MEF2A: variants seen among roughly 807,000 people sequenced by gnomAD.
MEF2A encodes the protein myocyte enhancer factor 2A.
A neutral mutation model predicts 55.8 loss-of-function variants in MEF2A; 28 were observed. The observed-to-expected ratio is 0.50, with a 90% CI of 0.37 to 0.69. The LOEUF (loss-of-function observed/expected upper bound fraction) is 0.69, where lower values mean the gene tolerates loss of function less well. MEF2A is among the 30% of genes least tolerant of loss of function. The pLI is 0.00. For synonymous variants in MEF2A, 239 were observed against 227.1 expected, an observed-to-expected ratio of 1.05 and a Z score of -0.47; for missense variants, 528 against 626.2, an observed-to-expected ratio of 0.84 and a Z score of 1.67.
At chr15:99,706,633 T>C (rs1338485672) in intron 9 of MEF2A, 96 bp from the exon 10 acceptor site, 8 of 1,378,264 alleles carry the variant, frequency 5.8e-6, no homozygotes, top group African/African-American at 1.4e-5. Context: ...ATGACATTCA[T>C]ATGAAACTGT....
intron 2 of MEF2A, among the ~76,000 whole-genome samples, chr15:99,626,035 G>A (rs2153349041): frequency 6.6e-6 from 1 of 152,224 alleles, no homozygotes; most frequent in East Asian, 1.9e-4. Context: ...ATTGGTGTTA[G>A]TTCTTTAATT....
intron 7 of MEF2A, among the ~76,000 whole-genome samples, chr15:99,686,289 C>T (rs1359933711): frequency 1.3e-5 from 2 of 151,382 alleles, no homozygotes; most frequent in African/African-American, 2.4e-5. Flanking sequence ...TGCCTGAATA[C>T]TTTTTTTTTC....
chr15:99,583,583 T>G, intron 1 of MEF2A, among the ~76,000 whole-genome samples: 1 of 152,070 alleles, frequency 6.6e-6, no homozygotes. Context: ...TGAGAAGGAA[T>G]ACTGGGAATA....
chr15:99,582,886 G>GATAGAACATATCC (rs1397087622), intron 1 of MEF2A, among the ~76,000 whole-genome samples: 16 of 152,104 alleles, frequency 1.1e-4, no homozygotes, highest in Non-Finnish European at 2.2e-4. Context: ...ATATGTTGTA[G>GATAGAACATATCC]ATAGAACAGT....
rs2033545 is a variant in MEF2A, at chr15:99,671,759, G to A, written c.390+305G>A. On this transcript the variant is annotated intron_variant, in intron 5 of 11. Transcript: ENST00000557942. ...TAGTGGGTGATGACAACAATAAGTA[G>A]AAGGGAAGAAATGCATTTTATTAGT... The A allele has an allele frequency of 8.1e-3, 9,885 of 1,225,500 alleles. 295 individuals carry two copies. The highest frequency in any genetic ancestry group is 0.08 in the Admixed American group (2,554 of 32,014). The allele number at this position is 1,225,500 out of a possible 1,614,324, so 75.9% of individuals were successfully genotyped here. A position where few individuals can be genotyped will look rare whatever the true frequency, so the allele number is the denominator to read the frequency against.
intron 4 of MEF2A, among the ~76,000 whole-genome samples, chr15:99,667,223 T>C (rs2049958952): frequency 6.6e-6 from 1 of 151,976 alleles, no homozygotes; most frequent in Non-Finnish European, 1.5e-5. Flanking sequence ...GGTTTTTATT[T>C]ATTTATTTAT....
Position 99,712,668 on chromosome 15 carries a change from G to T in MEF2A, c.1415G>T (p.Arg472Leu). Residue 472 changes from arginine (R) to leucine (L), a missense_variant, in exon 12 of 12, where the codon CGG becomes CTG. Arg to Leu is a moderately radical substitution (Grantham distance 102). This residue lies in a region of MEF2A where 450 missense variants were observed against 475.3 expected (regional missense o/e 0.95). Coordinates refer to ENST00000557942, the MANE Select transcript of MEF2A (RefSeq NM_001319206.4). The surrounding 1 kb of genome is among the most constrained non-coding windows in gnomAD (Gnocchi z 4.1). ...GATGGCAGTGATCGGGAGGATCCAC[G>T]GGGCGACTTCCATTCTCCAATTGTG... ...SYDGSDREDP[R>L]GDFHSPIVLG... 6.4e-7 allele frequency: 1 copy of T among 1,557,444 alleles called. No individual in the cohort carries two copies. Among genetic ancestry groups the T allele is most frequent in the Non-Finnish European group, 8.7e-7 (1 of 1,150,424 alleles).
intron 2 of MEF2A, among the ~76,000 whole-genome samples, chr15:99,624,802 A>G (rs1009858368): frequency 6.6e-6 from 1 of 152,158 alleles, no homozygotes; most frequent in Non-Finnish European, 1.5e-5. Flanking sequence ...TATTAATATA[A>G]AACATCTTTC....
At chr15:99,702,290 A>G (rs1035663023) in intron 8 of MEF2A, among the ~76,000 whole-genome samples, 1 of 152,216 alleles carries the variant, frequency 6.6e-6, no homozygotes, top group African/African-American at 2.4e-5. Context: ...TTCATGTATC[A>G]GTGGCACTTA....
chr15:99,572,879 A>G (rs946384535), intron 1 of MEF2A, among the ~76,000 whole-genome samples: 5 of 152,252 alleles, frequency 3.3e-5, no homozygotes, highest in East Asian at 1.9e-4. Context: ...ACTGTCTTCT[A>G]TTAGGCTGAA....
At chr15:99,630,154 G>T (rs1247817706) in intron 2 of MEF2A, among the ~76,000 whole-genome samples, 1 of 151,968 alleles carries the variant, frequency 6.6e-6, no homozygotes, top group Non-Finnish European at 1.5e-5. Flanking sequence ...AGTTTTGAAA[G>T]TTCTTAGCTA....
chr15:99,582,111 G>T (rs1966118950), intron 1 of MEF2A, among the ~76,000 whole-genome samples: 2 of 152,138 alleles, frequency 1.3e-5, no homozygotes, highest in Admixed American at 1.3e-4. Context: ...TGTAATCGTG[G>T]AAGTGACCAA....
intron 8 of MEF2A, among the ~76,000 whole-genome samples, chr15:99,694,618 A>G (rs1337094308): frequency 6.6e-6 from 1 of 152,204 alleles, no homozygotes; most frequent in African/African-American, 2.4e-5. Context: ...CTGATGTTTA[A>G]CAGGTATTTA....
At chr15:99,667,142 T>A (rs993292576) in intron 4 of MEF2A, among the ~76,000 whole-genome samples, 1 of 152,258 alleles carries the variant, frequency 6.6e-6, no homozygotes, top group Non-Finnish European at 1.5e-5. Flanking sequence ...TTCCTGAGTT[T>A]AGATCTGAAA....
At chr15:99,593,038 C>T (rs1276039504) in intron 1 of MEF2A, among the ~76,000 whole-genome samples, 2 of 152,028 alleles carry the variant, frequency 1.3e-5, no homozygotes, top group African/African-American at 4.8e-5. Flanking sequence ...TTAATTTCAC[C>T]TTCTTTTTCC....
chr15:99,652,639 G>T (rs987012307), intron 4 of MEF2A, among the ~76,000 whole-genome samples: 1 of 152,142 alleles, frequency 6.6e-6, no homozygotes, highest in African/African-American at 2.4e-5. Context: ...AGTAAACCAG[G>T]TCCACATGAG....
At position 99,603,543 on chromosome 15, in the gene MEF2A, T is replaced by TTGTGTGTGTGTGTGTGTGTGTGTGTG. The variant is rs1300288383; in HGVS notation, c.-143+5042_-143+5067dup. Among the ~76,000 whole-genome samples, 114 of 126,492 alleles carry TTGTGTGTGTGTGTGTGTGTGTGTGTG rather than the reference T, an allele frequency of 9.0e-4. 2 individuals carry two copies. Among genetic ancestry groups the TTGTGTGTGTGTGTGTGTGTGTGTGTG allele is most frequent in the Non-Finnish European group, 1.1e-3 (68 of 61,026 alleles). 83.0% of individuals were successfully genotyped at this position (126,492 alleles called of 152,430 possible). ...ATGCAGCCATCACACCTGGCTGATT[T>TTGTGTGTGTGTGTGTGTGTGTGTGTG]TGTGTGTGTGTGTGTGTGTGTGTGT... is the stretch of plus-strand genomic sequence containing the variant. On this transcript the variant is annotated intron_variant, in intron 2 of 11. Transcript: ENST00000557942.
chr15:99,635,165 A>G (rs1264986232), intron 3 of MEF2A, among the ~76,000 whole-genome samples: 1 of 152,232 alleles, frequency 6.6e-6, no homozygotes, highest in Non-Finnish European at 1.5e-5. Flanking sequence ...GCAAATAGAA[A>G]TAATATCAGA....
In MEF2A at chr15:99,716,178, A is replaced by G. The variant is rs2059132900; in HGVS notation, c.*3407A>G. On this transcript the variant is annotated 3_prime_UTR_variant, in exon 12 of 12. Transcript: ENST00000557942. The stretch of plus-strand genomic sequence containing the variant: ...AAGACACTGCTTTGCTATATTTAAA[A>G]TGGCTTTTTTAAAAGAGATTTATGT... The G allele has an allele frequency of 5.5e-6, 1 of 182,394 alleles. No homozygotes were observed. Among genetic ancestry groups the G allele is most frequent in the Non-Finnish European group, 1.2e-5 (1 of 84,838 alleles). 11.3% of individuals were successfully genotyped at this position (182,394 alleles called of 1,614,324 possible). A position where few individuals can be genotyped will look rare whatever the true frequency, so the allele number is the denominator to read the frequency against.
Sources: gnomAD v4.1 joint callset for allele counts (sites outside exome capture counted in the v4.1 genomes callset) on GRCh38, gnomAD v4.1.1 for gene constraint, gnomAD v4.1.1 regional missense constraint, Gnocchi (gnomAD v3.1) non-coding constraint, MANE v1.5 for transcripts, NCBI Gene and HGNC (gene_info 2026-07-23, HGNC 2026-07-21) for gene names.